The following MCEE variants were observed in gnomAD, a reference collection of about 807,000 sequenced individuals.
MCEE encodes methylmalonyl-CoA epimerase.
Under a neutral mutation model 12.9 loss-of-function variants are expected in MCEE, and 6 were observed. That is an observed-to-expected ratio of 0.47 (90% CI 0.26 to 0.92). MCEE has a LOEUF of 0.92. Among genes scored for constraint, MCEE ranks in the 40% least tolerant of loss-of-function variants. The pLI is 0.16. For missense variants in MCEE, 214 were observed against 212.1 expected (o/e 1.01, Z -0.05); for synonymous variants, 78 against 77.9 (o/e 1.00, Z -0.01).
At chr2:71,114,721 G>T (rs574398074) in intron 2 of MCEE, among the ~76,000 whole-genome samples, 29 of 152,262 alleles carry the variant, frequency 1.9e-4, no homozygotes, top group African/African-American at 6.5e-4. Context: ...TGATGTCACC[G>T]TGGTTATTTT....
intron 2 of MCEE, among the ~76,000 whole-genome samples, chr2:71,122,999 C>T (rs1246346656): frequency 1.3e-5 from 2 of 152,236 alleles, no homozygotes; most frequent in Non-Finnish European, 2.9e-5. Context: ...ATCAATTCTA[C>T]TTATCATAGT....
intron 2 of MCEE, among the ~76,000 whole-genome samples, chr2:71,118,084 C>T (rs1673030316): frequency 6.7e-6 from 1 of 150,086 alleles, no homozygotes; most frequent in Non-Finnish European, 1.5e-5. Flanking sequence ...CGCCCGGAAG[C>T]GTCCCAGTGG....
At chr2:71,111,859 C>G (rs1672891264) in intron 2 of MCEE, among the ~76,000 whole-genome samples, 1 of 152,122 alleles carries the variant, frequency 6.6e-6, no homozygotes, top group Admixed American at 6.5e-5. Flanking sequence ...GTTTGTTTAC[C>G]CTCTCTCAGA....
chr2:71,110,182 T>C, intron 2 of MCEE, 60 bp from the exon 3 acceptor site: 1 of 1,502,956 alleles, frequency 6.7e-7, no homozygotes, highest in Non-Finnish European at 9.2e-7. Flanking sequence ...ACTTATAGTA[T>C]CATAAGACTT....
chr2:71,130,023 C>A, intron 1 of MCEE, 157 bp downstream of exon 1: 1 of 754,518 alleles, frequency 1.3e-6, no homozygotes. Flanking sequence ...TTCTGGAAGG[C>A]ACCCTCTGCC....
intron 2 of MCEE, among the ~76,000 whole-genome samples, chr2:71,116,548 C>CT (rs200248524): frequency 0.045 from 5,841 of 128,954 alleles, 490 homozygotes; most frequent in African/African-American, 0.12. Context: ...GAATTCAAAA[C>CT]TTTTTTTTTT....
At chr2:71,121,335 C>T (rs1300149515) in intron 2 of MCEE, among the ~76,000 whole-genome samples, 4 of 152,190 alleles carry the variant, frequency 2.6e-5, no homozygotes, top group Non-Finnish European at 5.9e-5. Context: ...CTGGAGCAAC[C>T]TTGTAAGTCA....
chr2:71,126,949 T>C (rs2103646274), intron 1 of MCEE, among the ~76,000 whole-genome samples: 1 of 152,376 alleles, frequency 6.6e-6, no homozygotes, highest in African/African-American at 2.4e-5. Context: ...TCTTTAGTTT[T>C]AGATTTCTCT....
At chr2:71,125,211 A>ATATATATATATATATTTTTTTT in intron 1 of MCEE, among the ~76,000 whole-genome samples, 14 of 48,592 alleles carry the variant, frequency 2.9e-4, no homozygotes, top group East Asian at 2.5e-3. Context: ...ATATATATAT[A>ATATATATATATATATTTTTTTT]TTTTTTTTTT....
At position 71,130,207 on chromosome 2, in the gene MCEE, G is replaced by C. The variant is rs768266284; in HGVS notation, c.13C>G (p.Leu5Val). The C allele has an allele frequency of 6.2e-6, 10 of 1,607,368 alleles. No homozygotes were observed. The highest frequency in any genetic ancestry group is 5.5e-5 in the South Asian group (5 of 90,166). The change falls in exon 1 of 3, where the codon CTG becomes GTG. Residue 5 changes from leucine to valine, a missense_variant. Physicochemically the swap from Leu to Val is conservative, Grantham distance 32. Coordinates refer to ENST00000244217, the MANE Select transcript of MCEE (RefSeq NM_032601.4). MARVLKAAAANAVGL... is the reference protein window; with the variant it reads MARVVKAAAANAVGL... ...ACGGCATTCGCGGCTGCAGCCTTCA[G>C]CACCCGCGCCATTTTGGAAAGCAAC...
Position 71,124,221 on chromosome 2 carries a change from A to T in MCEE, c.363T>A (p.His121Gln). The change falls in exon 2 of 3, where the codon CAT (histidine) becomes CAA (glutamine). Residue 121 changes from histidine to glutamine, a missense_variant. Transcript: ENST00000244217. ...ATTAAAATACCTCGATGCAGATGTGATGCATTCCTCCAGCCTTGTTTTTCT... is the reference window on the plus strand; with the variant it reads ...ATTAAAATACCTCGATGCAGATGTGTTGCATTCCTCCAGCCTTGTTTTTCT... ...FLQKNKAGGM[H>Q]HICIEVDNIN... 6.2e-7 allele frequency: 1 copy of T among 1,612,540 alleles called. No individual in the cohort carries two copies. Among genetic ancestry groups the T allele is most frequent in the Non-Finnish European group, 8.5e-7 (1 of 1,178,548 alleles).
intron 2 of MCEE, among the ~76,000 whole-genome samples, chr2:71,123,664 TTTC>T (rs1166124079): frequency 6.6e-6 from 1 of 152,216 alleles, no homozygotes; most frequent in Non-Finnish European, 1.5e-5. Flanking sequence ...CTAATGGACT[TTTC>T]TTGTCTAACA....
chr2:71,124,462 G>A lies in MCEE; in HGVS notation c.122C>T (p.Ser41Phe), dbSNP rs1376776866. ...TSQPLDQVTG[S>F]VWNLGRLNHV... is the part of the protein sequence containing the mutation. ...GTTGAGTCGACCCAGGTTCCACACA[G>A]AACCTGTCACTTGATCCAAGGGCTG... Residue 41 changes from serine (S) to phenylalanine (F), a missense_variant, in exon 2 of 3, where the codon TCT (serine) becomes TTT (phenylalanine). Coordinates refer to ENST00000244217, the MANE Select transcript of MCEE (RefSeq NM_032601.4). 1.2e-6 allele frequency: 2 copies of A among 1,613,986 alleles called. No individual in the cohort carries two copies. Among genetic ancestry groups the A allele is most frequent in the Non-Finnish European group, 1.7e-6 (2 of 1,180,026 alleles).
At chr2:71,120,690 C>A (rs142363086) in intron 2 of MCEE, among the ~76,000 whole-genome samples, 2 of 148,112 alleles carry the variant, frequency 1.4e-5, no homozygotes, top group African/African-American at 2.6e-5. Context: ...CAGAAAGTAG[C>A]CCTGTGATTA....
intron 2 of MCEE, among the ~76,000 whole-genome samples, chr2:71,120,766 C>G (rs1034619118): frequency 1.3e-5 from 2 of 149,366 alleles, no homozygotes; most frequent in Non-Finnish European, 3.0e-5. Flanking sequence ...GAGATGGAGT[C>G]TTGCTCTGTT....
intron 1 of MCEE, among the ~76,000 whole-genome samples, chr2:71,125,211 A>ATATATATATATATATTTTTTTTTTT: frequency 1.9e-4 from 9 of 48,592 alleles, no homozygotes; most frequent in Admixed American, 3.3e-4. Context: ...ATATATATAT[A>ATATATATATATATATTTTTTTTTTT]TTTTTTTTTT....
intron 2 of MCEE, among the ~76,000 whole-genome samples, chr2:71,122,665 C>T (rs750765672): frequency 7.2e-5 from 11 of 152,120 alleles, no homozygotes; most frequent in South Asian, 2.1e-4. Context: ...AAGAACAGCA[C>T]GGAAAGACCT....
At chr2:71,119,770 G>A (rs1457779670) in intron 2 of MCEE, among the ~76,000 whole-genome samples, 2 of 150,198 alleles carry the variant, frequency 1.3e-5, no homozygotes, top group African/African-American at 5.0e-5. Context: ...ATAGAATTGT[G>A]CGGCTGAGCA....
chr2:71,125,333 C>G (rs766768617), intron 1 of MCEE, among the ~76,000 whole-genome samples: 2 of 150,628 alleles, frequency 1.3e-5, no homozygotes, highest in African/African-American at 2.4e-5. Flanking sequence ...CTCAGCCTCC[C>G]GAGTAGCTGG....
Sources: gnomAD v4.1 joint callset for allele counts (sites outside exome capture counted in the v4.1 genomes callset) on GRCh38, gnomAD v4.1.1 for gene constraint, MANE v1.5 for transcripts, NCBI Gene and HGNC (gene_info 2026-07-23, HGNC 2026-07-21) for gene names.